TBX6: variants seen among roughly 807,000 people sequenced by gnomAD.
The protein encoded by TBX6 is T-box transcription factor 6, also known as T-box transcription factor TBX6.
TBX6 carries 29 observed loss-of-function variants against 42.3 expected under a neutral mutation model. The ratio of observed to expected loss-of-function variants is 0.69; its 90% confidence interval spans 0.51 to 0.93. The LOEUF (loss-of-function observed/expected upper bound fraction) is 0.93, where lower values mean the gene tolerates loss of function less well. Ranked by LOEUF, TBX6 falls within the 40% of genes least tolerant of loss-of-function variation. TBX6 has a pLI of 0.00. For synonymous variants in TBX6, 249 were observed against 245.1 expected (o/e 1.02, Z -0.15); for missense variants, 569 against 603.3 (o/e 0.94, Z 0.59).
At position 30,086,328 on chromosome 16, in the gene TBX6, G is replaced by C. The variant is rs759410943; in HGVS notation, c.1208C>G (p.Pro403Arg). The part of the protein sequence containing the change: ...SGGSGYPAAP[P>R]AVPFAPHFLQ... ...AAAGTGCGGGGCAAAGGGTACCGCCGGTGGAGCCGCTGGGTACCCGGAGCC... is the reference window on the plus strand; with the variant it reads ...AAAGTGCGGGGCAAAGGGTACCGCCCGTGGAGCCGCTGGGTACCCGGAGCC... Residue 403 changes from proline (P) to arginine (R), a missense_variant, in exon 9 of 9, where the codon CCG becomes CGG. This residue lies in a region of TBX6 where 245 missense variants were observed against 227.4 expected (regional missense o/e 1.08). Transcript: ENST00000395224. This position sits in a 1 kb window ranked among gnomAD's most constrained non-coding sequence, Gnocchi z 4.6. 6 of 1,606,436 alleles carry C rather than the reference G, an allele frequency of 3.7e-6. No individual in the cohort carries two copies. In the South Asian group the frequency reaches 6.6e-5, roughly 18 times the overall value.
At position 30,088,580 on chromosome 16, in the gene TBX6, G is replaced by A; in HGVS notation, c.804C>T (p.Ala268=). The change falls in exon 6 of 9, where the codon GCC becomes GCT. Residue 268 remains alanine (A), a synonymous_variant. Transcript: ENST00000395224. The surrounding 1 kb of genome is among the most constrained non-coding windows in gnomAD (Gnocchi z 4.1). ...TTCTGCCGTTCTCCCGGAAGCCTTTGGCAAAGGGATTGGCTGCAATCTTCA... is the reference window on the plus strand; with the variant it reads ...TTCTGCCGTTCTCCCGGAAGCCTTTAGCAAAGGGATTGGCTGCAATCTTCA... The part of the protein sequence containing the change: ...TQLKIAANPF[A]KGFRENGRNC... The A allele has an allele frequency of 1.2e-6, 2 of 1,614,222 alleles. No individual in the cohort carries two copies. The highest frequency in any genetic ancestry group is 1.7e-6 in the Non-Finnish European group (2 of 1,180,052).
chr16:30,091,242 C>G lies in TBX6; in HGVS notation c.-48-1G>C. On this transcript the variant is annotated splice_acceptor_variant, in intron 1 of 8. Transcript: ENST00000395224. LOFTEE classifies it low-confidence loss of function (5UTR_SPLICE). ...GTCTCGCTGCTTAGGGCCCCCGGTG[C>G]TGCGAGATGCCCCCTTTATAGCTCA... 1 of 1,394,566 alleles carries G rather than the reference C, an allele frequency of 7.2e-7. No individual in the cohort carries two copies. Among genetic ancestry groups the G allele is most frequent in the Non-Finnish European group, 9.7e-7 (1 of 1,035,858 alleles). The allele number at this position is 1,394,566 out of a possible 1,614,324, so 86.4% of individuals were successfully genotyped here.
At position 30,091,859 on chromosome 16, in the gene TBX6, T is replaced by G; in HGVS notation, c.-49+14A>C. Reference sequence around the variant, plus strand: ...CCATCCCGAGCCAAGCCTCCAAAGTTCGAAGGCGCTCACAGTCCGACAGCT... The same window carrying G: ...CCATCCCGAGCCAAGCCTCCAAAGTGCGAAGGCGCTCACAGTCCGACAGCT... On this transcript the variant is annotated intron_variant, in intron 1 of 8. Transcript: ENST00000395224. 6.6e-6 allele frequency: 1 copy of G among 152,600 alleles called. No individual in the cohort carries two copies. Among genetic ancestry groups the G allele is most frequent in the African/African-American group, 2.4e-5 (1 of 41,582 alleles). 9.5% of individuals were successfully genotyped at this position (152,600 alleles called of 1,614,324 possible).
In TBX6 at chr16:30,086,946, G is replaced by A. The variant is rs1026962940; in HGVS notation, c.840-95C>T. 7 of 1,439,538 alleles carry A rather than the reference G, an allele frequency of 4.9e-6. No homozygotes were observed. The highest frequency in any genetic ancestry group is 2.0e-5 in the Admixed American group (1 of 50,190). 89.2% of individuals were successfully genotyped at this position (1,439,538 alleles called of 1,614,324 possible). On this transcript the variant is annotated intron_variant, in intron 6 of 8. Coordinates refer to ENST00000395224, the MANE Select transcript of TBX6 (RefSeq NM_004608.4). This position sits in a 1 kb window ranked among gnomAD's most constrained non-coding sequence, Gnocchi z 4.6. Reference sequence around the variant, plus strand: ...GTGCCAGGCATTTCACCCTCCCAGGGACCCTGTCAGGTAGGGGCCATCATT... The same window carrying A: ...GTGCCAGGCATTTCACCCTCCCAGGAACCCTGTCAGGTAGGGGCCATCATT...
rs558477655 is a variant in TBX6, at chr16:30,088,635, G to A, written c.769-20C>T. The A allele has an allele frequency of 3.8e-5, 62 of 1,614,156 alleles. 1 individual carries two copies. The East Asian group carries it at 1.3e-3, about 35-fold the overall frequency. Reference sequence around the variant, plus strand: ...TGTGATCTGGGGACACACATGCAGGGTCAAAGCAACTGCGGTCTGGGCAGG... The same window carrying A: ...TGTGATCTGGGGACACACATGCAGGATCAAAGCAACTGCGGTCTGGGCAGG... On this transcript the variant is annotated intron_variant, in intron 5 of 8. Transcript: ENST00000395224. This position sits in a 1 kb window ranked among gnomAD's most constrained non-coding sequence, Gnocchi z 4.1.
At position 30,088,824 on chromosome 16, in the gene TBX6, T is replaced by G; in HGVS notation, c.637A>C (p.Met213Leu). ...DPHGHLILHS[M>L]HKYQPRIHLV... ...TGTATGCGGGGTTGGTACTTGTGCATGGAGTGCAGGATCAGCTGGGAGGGA... is the reference window on the plus strand; with the variant it reads ...TGTATGCGGGGTTGGTACTTGTGCAGGGAGTGCAGGATCAGCTGGGAGGGA... Residue 213 changes from methionine (M) to leucine (L), a missense_variant, in exon 5 of 9, where the codon ATG becomes CTG. Physicochemically the swap from Met to Leu is conservative, Grantham distance 15. This residue lies in a region of TBX6 where 190 missense variants were observed against 250.6 expected (regional missense o/e 0.76). Transcript: ENST00000395224. This position sits in a 1 kb window ranked among gnomAD's most constrained non-coding sequence, Gnocchi z 4.1. 1 of 1,614,052 alleles carries G rather than the reference T, an allele frequency of 6.2e-7. No homozygotes were observed. The highest frequency in any genetic ancestry group is 8.5e-7 in the Non-Finnish European group (1 of 1,179,946).
chr16:30,089,714 G>A (rs1391057603), intron 3 of TBX6, among the ~76,000 whole-genome samples: 2 of 152,046 alleles, frequency 1.3e-5, no homozygotes, highest in Non-Finnish European at 2.9e-5. Context: ...GAAGGATCAT[G>A]AGGTCAGAAG....
Position 30,085,857 on chromosome 16 carries a change from C to G in TBX6, c.*368G>C. 7.5e-6 allele frequency: 2 copies of G among 267,916 alleles called. No individual in the cohort carries two copies. Among genetic ancestry groups the G allele is most frequent in the South Asian group, 8.6e-5 (2 of 23,374 alleles). The allele number at this position is 267,916 out of a possible 1,614,324, so 16.6% of individuals were successfully genotyped here. A position where few individuals can be genotyped will look rare whatever the true frequency, so the allele number is the denominator to read the frequency against. ...AATACTCTGGTCCCAGAACAACAGA[C>G]TGGTGTGGCCTGCACCAGTGTGTGT... On this transcript the variant is annotated 3_prime_UTR_variant, in exon 9 of 9. Transcript: ENST00000395224.
Position 30,089,127 on chromosome 16 carries a change from A to G in TBX6, c.437T>C (p.Val146Ala), listed in dbSNP as rs1385224477. 1 of 1,613,996 alleles carries G rather than the reference A, an allele frequency of 6.2e-7. No individual in the cohort carries two copies. The highest frequency in any genetic ancestry group is 1.1e-5 in the South Asian group (1 of 91,080). Reference sequence around the variant, plus strand: ...CTGCCAGCGGTAGCGAGCCCCATCCACCGGAATCACATCCAGAAGAAACAA... The same window carrying G: ...CTGCCAGCGGTAGCGAGCCCCATCCGCCGGAATCACATCCAGAAGAAACAA... ...RYLFLLDVIPVDGARYRWQGR... is the reference protein window; with the variant it reads ...RYLFLLDVIPADGARYRWQGR... Residue 146 changes from valine to alanine, a missense_variant, in exon 4 of 9, where the codon GTG (valine) becomes GCG (alanine). By Grantham distance (64) the Val-to-Ala change is moderately conservative. Around this residue, in one of 3 missense-constraint regions of TBX6, gnomAD observed 190 missense variants for 250.6 expected, o/e 0.76. Coordinates refer to ENST00000395224, the MANE Select transcript of TBX6 (RefSeq NM_004608.4).
rs2072619548 is a variant in TBX6, at chr16:30,085,991, G to A, written c.*234C>T. 1 of 531,740 alleles carries A rather than the reference G, an allele frequency of 1.9e-6. No individual in the cohort carries two copies. 32.9% of individuals were successfully genotyped at this position (531,740 alleles called of 1,614,324 possible). A position where few individuals can be genotyped will look rare whatever the true frequency, so the allele number is the denominator to read the frequency against. On this transcript the variant is annotated 3_prime_UTR_variant, in exon 9 of 9. Transcript: ENST00000395224. ...GCAGAGCCCCTTCCATTCACACGGA[G>A]GTGAGAGCCGGGAAGGGGAAGCCGG...
Position 30,086,373 on chromosome 16 carries a change from T to C in TBX6, c.1163A>G (p.Glu388Gly), listed in dbSNP as rs1014742874. Residue 388 changes from glutamate (E) to glycine (G), a missense_variant, in exon 9 of 9, where the codon GAG (glutamate) becomes GGG (glycine). Physicochemically the swap from Glu to Gly is moderately conservative, Grantham distance 98. Around this residue, in one of 3 missense-constraint regions of TBX6, gnomAD observed 245 missense variants for 227.4 expected, o/e 1.08. Transcript: ENST00000395224. The surrounding 1 kb of genome is among the most constrained non-coding windows in gnomAD (Gnocchi z 4.6). ...RSAPYSAAFL[E>G]LPHGSGGSGY... ...GGAGCCCCCTGACCCGTGCGGCAGC[T>C]CCAGAAATGCAGCCGAGTAGGGGGC... is the stretch of plus-strand genomic sequence containing the variant. The C allele has an allele frequency of 1.9e-6, 3 of 1,576,300 alleles. No homozygotes were observed. Among genetic ancestry groups the C allele is most frequent in the Non-Finnish European group, 2.6e-6 (3 of 1,169,126 alleles).
chr16:30,088,540 C>T lies in TBX6; in HGVS notation c.839+5G>A, dbSNP rs2072673317. ...TGCATGAACAAATGAATGAACAACT[C>T]CCACCTCTTACAGTTTCTGCCGTTC... is the stretch of plus-strand genomic sequence containing the variant. On this transcript the variant is annotated splice_donor_5th_base_variant and intron_variant, in intron 6 of 8. Coordinates refer to ENST00000395224, the MANE Select transcript of TBX6 (RefSeq NM_004608.4). The surrounding 1 kb of genome is among the most constrained non-coding windows in gnomAD (Gnocchi z 4.1). 6.2e-7 allele frequency: 1 copy of T among 1,614,224 alleles called. No homozygotes were observed. The highest frequency in any genetic ancestry group is 1.1e-5 in the South Asian group (1 of 91,086).
Position 30,088,645 on chromosome 16 carries a change from CT to C in TBX6, c.769-31del, listed in dbSNP as rs757790532. 3 of 1,614,136 alleles carry C rather than the reference CT, an allele frequency of 1.9e-6. No individual in the cohort carries two copies. In the African/African-American group the frequency reaches 4.0e-5, roughly 22 times the overall value. On this transcript the variant is annotated intron_variant, in intron 5 of 8. Coordinates refer to ENST00000395224, the MANE Select transcript of TBX6 (RefSeq NM_004608.4). This position sits in a 1 kb window ranked among gnomAD's most constrained non-coding sequence, Gnocchi z 4.1. ...GGACACACATGCAGGGTCAAAGCAACTGCGGTCTGGGCAGGGGGCCACCACC... is the reference window on the plus strand; with the variant it reads ...GGACACACATGCAGGGTCAAAGCAACGCGGTCTGGGCAGGGGGCCACCACC...
At chr16:30,087,203 G>A (rs1023171995) in intron 6 of TBX6, among the ~76,000 whole-genome samples, 11 of 151,864 alleles carry the variant, frequency 7.2e-5, no homozygotes, top group African/African-American at 1.2e-4. Flanking sequence ...CCCTCTTCAC[G>A]GGCTGAACCT....
At position 30,086,165 on chromosome 16, in the gene TBX6, C is replaced by A; in HGVS notation, c.*60G>T. 6.4e-7 allele frequency: 1 copy of A among 1,573,482 alleles called. No homozygotes were observed. Among genetic ancestry groups the A allele is most frequent in the Non-Finnish European group, 8.6e-7 (1 of 1,161,078 alleles). ...TGGGGCCGGTGGAGGTGAGGGGGCT[C>A]CAGGGCTGGGGGAAGGGAGCGGGAG... On this transcript the variant is annotated 3_prime_UTR_variant, in exon 9 of 9. Transcript: ENST00000395224. The surrounding 1 kb of genome is among the most constrained non-coding windows in gnomAD (Gnocchi z 4.6).
intron 6 of TBX6, 179 bp from the exon 7 acceptor site, chr16:30,087,030 C>T: frequency 1.4e-6 from 1 of 724,254 alleles, no homozygotes; most frequent in South Asian, 1.9e-5. Flanking sequence ...TAGAAAGTGG[C>T]AGAGCTGGAA....
chr16:30,086,606 C>A lies in TBX6; in HGVS notation c.1003G>T (p.Ala335Ser). ...EQAPAPGEAT[A>S]APAPLCGGPS... ...CCACCACACAGAGGTGCCGGGGCAG[C>A]GGTGGCTTCCCCGGGGGCTGGGGCC... The change falls in exon 8 of 9, where the codon GCT (alanine) becomes TCT (serine). Residue 335 changes from alanine (A) to serine (S), a missense_variant. Coordinates refer to ENST00000395224, the MANE Select transcript of TBX6 (RefSeq NM_004608.4). The surrounding 1 kb of genome is among the most constrained non-coding windows in gnomAD (Gnocchi z 4.6). The A allele has an allele frequency of 6.3e-7, 1 of 1,586,414 alleles. No homozygotes were observed. Among genetic ancestry groups the A allele is most frequent in the Non-Finnish European group, 8.5e-7 (1 of 1,169,608 alleles).
chr16:30,091,347 T>A, intron 1 of TBX6, 106 bp from the exon 2 acceptor site: 1 of 661,134 alleles, frequency 1.5e-6, no homozygotes, highest in Non-Finnish European at 2.5e-6. Flanking sequence ...TGGAGACCCC[T>A]GGGGCCTCGA....
chr16:30,088,734 C>T lies in TBX6; in HGVS notation c.727G>A (p.Glu243Lys), dbSNP rs1448322407. The change falls in exon 5 of 9, where the codon GAG becomes AAG. Residue 243 changes from glutamate (E) to lysine (K), a missense_variant. Glu to Lys is a moderately conservative substitution (Grantham distance 56, BLOSUM62 1). Coordinates refer to ENST00000395224, the MANE Select transcript of TBX6 (RefSeq NM_004608.4). This position sits in a 1 kb window ranked among gnomAD's most constrained non-coding sequence, Gnocchi z 4.1. ...WGGMASFRFP[E>K]TTFISVTAYQ... ...GCTGTCACGGAGATGAATGTGGTCT[C>T]GGGGAAGCGGAAGGAGGCCATGCCC... is the stretch of plus-strand genomic sequence containing the variant. 4.3e-6 allele frequency: 7 copies of T among 1,613,872 alleles called. No homozygotes were observed. The highest frequency in any genetic ancestry group is 5.9e-6 in the Non-Finnish European group (7 of 1,179,950).
Sources: gnomAD v4.1 joint callset for allele counts (sites outside exome capture counted in the v4.1 genomes callset) on GRCh38, gnomAD v4.1.1 for gene constraint, gnomAD v4.1.1 regional missense constraint, Gnocchi (gnomAD v3.1) non-coding constraint, MANE v1.5 for transcripts, NCBI Gene and HGNC (gene_info 2026-07-23, HGNC 2026-07-21) for gene names.